PDE3A: variants seen among roughly 807,000 people sequenced by gnomAD.
The protein encoded by PDE3A is phosphodiesterase 3A.
PDE3A carries 43 observed loss-of-function variants against 98.3 expected under a neutral mutation model. The observed-to-expected ratio is 0.44, with a 90% CI of 0.34 to 0.56. PDE3A has a LOEUF of 0.56. Among genes scored for constraint, PDE3A ranks in the 20% least tolerant of loss-of-function variants. The probability of loss-of-function intolerance (pLI) is 0.01; values close to 1 mark genes in which losing one functional copy is unlikely to be tolerated. For missense variants in PDE3A, 1,427 were observed against 1,440.7 expected (o/e 0.99, Z 0.15); for synonymous variants, 663 against 567.9 (o/e 1.17, Z -2.38).
intron 1 of PDE3A, among the ~76,000 whole-genome samples, chr12:20,396,423 G>A (rs1180620043): frequency 2.0e-5 from 3 of 152,100 alleles, no homozygotes; most frequent in Non-Finnish European, 4.4e-5. Flanking sequence ...TAGAGGAAAA[G>A]TGCAGAAGAA....
chr12:20,543,947 A>G (rs1941988722), intron 1 of PDE3A, among the ~76,000 whole-genome samples: 2 of 151,878 alleles, frequency 1.3e-5, no homozygotes, highest in Admixed American at 1.3e-4. Context: ...AGGCACAAAG[A>G]CATTATATAA....
intron 15 of PDE3A, among the ~76,000 whole-genome samples, chr12:20,677,770 T>C (rs2120477232): frequency 6.6e-6 from 1 of 151,768 alleles, no homozygotes; most frequent in African/African-American, 2.4e-5. Flanking sequence ...TCAGGGAAAC[T>C]TTTTCTTGAA....
intron 8 of PDE3A, among the ~76,000 whole-genome samples, chr12:20,636,139 T>G (rs2121513131): frequency 6.6e-6 from 1 of 152,318 alleles, no homozygotes; most frequent in East Asian, 1.9e-4. Context: ...TTTGTTTTTC[T>G]TGTCATATTG....
chr12:20,441,091 G>A (rs753312474), intron 1 of PDE3A, among the ~76,000 whole-genome samples: 3 of 152,114 alleles, frequency 2.0e-5, no homozygotes, highest in Non-Finnish European at 2.9e-5. Context: ...AAGTACTGTT[G>A]GGAGTATAAT....
intron 1 of PDE3A, among the ~76,000 whole-genome samples, chr12:20,461,366 A>G (rs1198450774): frequency 6.6e-6 from 1 of 152,144 alleles, no homozygotes; most frequent in African/African-American, 2.4e-5. Context: ...AAGTAGTGAC[A>G]TAAAGTTTTA....
chr12:20,543,475 A>G (rs115170197), intron 1 of PDE3A, among the ~76,000 whole-genome samples: 3,858 of 152,068 alleles, frequency 0.025, 165 homozygotes, highest in African/African-American at 0.089. Context: ...GAGGAAGATT[A>G]AGCTATCCCA....
intron 1 of PDE3A, among the ~76,000 whole-genome samples, chr12:20,419,318 G>C (rs1031258302): frequency 2.6e-4 from 39 of 152,048 alleles, no homozygotes; most frequent in African/African-American, 9.2e-4. Context: ...TTTGAGGCAA[G>C]ATCTTGCTCT....
intron 1 of PDE3A, among the ~76,000 whole-genome samples, chr12:20,454,868 A>G (rs2120901310): frequency 6.6e-6 from 1 of 152,242 alleles, no homozygotes; most frequent in Admixed American, 6.5e-5. Context: ...TATCCAGTCT[A>G]CCATTGATGG....
chr12:20,421,662 C>T (rs2120757212), intron 1 of PDE3A, among the ~76,000 whole-genome samples: 1 of 151,424 alleles, frequency 6.6e-6, no homozygotes, highest in Non-Finnish European at 1.5e-5. Context: ...TGTTTCTAAC[C>T]TTTGCTATTA....
At chr12:20,627,757 G>GT (rs1944298779) in intron 5 of PDE3A, among the ~76,000 whole-genome samples, 1 of 152,122 alleles carries the variant, frequency 6.6e-6, no homozygotes, top group Non-Finnish European at 1.5e-5. Context: ...TTAGAGCAGG[G>GT]TTTTTATTTT....
At chr12:20,611,726 T>C (rs1943859480) in intron 2 of PDE3A, among the ~76,000 whole-genome samples, 1 of 151,892 alleles carries the variant, frequency 6.6e-6, no homozygotes, top group African/African-American at 2.4e-5. Context: ...GATATCTTTA[T>C]GGATGTTAGG....
chr12:20,405,906 C>A (rs930078078), intron 1 of PDE3A, among the ~76,000 whole-genome samples: 1 of 152,184 alleles, frequency 6.6e-6, no homozygotes, highest in Non-Finnish European at 1.5e-5. Flanking sequence ...CCTTCCAGCG[C>A]TTGACAATCA....
At chr12:20,530,489 C>CTTT (rs35355077) in intron 1 of PDE3A, among the ~76,000 whole-genome samples, 2 of 143,822 alleles carry the variant, frequency 1.4e-5, no homozygotes, top group Admixed American at 7.0e-5. Flanking sequence ...CTATACAATA[C>CTTT]TTTTTTTTTT....
intron 1 of PDE3A, among the ~76,000 whole-genome samples, chr12:20,513,057 C>T (rs1176961859): frequency 6.6e-6 from 1 of 151,980 alleles, no homozygotes; most frequent in Non-Finnish European, 1.5e-5. Flanking sequence ...TGTCAAAGGC[C>T]TGCTCCTCTT....
chr12:20,473,390 ATT>A (rs1296006864), intron 1 of PDE3A, among the ~76,000 whole-genome samples: 1 of 152,118 alleles, frequency 6.6e-6, no homozygotes, highest in Non-Finnish European at 1.5e-5. Context: ...AGGAATCTGT[ATT>A]TTCAACATGT....
At chr12:20,386,712 T>G (rs1437267915) in intron 1 of PDE3A, among the ~76,000 whole-genome samples, 1 of 152,008 alleles carries the variant, frequency 6.6e-6, no homozygotes, top group Non-Finnish European at 1.5e-5. Context: ...ATTGCAAAAA[T>G]TTTCTCCCAT....
At chr12:20,508,827 T>A (rs1034079544) in intron 1 of PDE3A, among the ~76,000 whole-genome samples, 1 of 150,102 alleles carries the variant, frequency 6.7e-6, no homozygotes, top group Non-Finnish European at 1.5e-5. Flanking sequence ...AAAAAAAATC[T>A]GGGTTTCTGG....
chr12:20,556,431 C>G (rs1028528409), intron 1 of PDE3A, among the ~76,000 whole-genome samples: 1 of 152,032 alleles, frequency 6.6e-6, no homozygotes, highest in Non-Finnish European at 1.5e-5. Flanking sequence ...ACAGTAGCTT[C>G]TTTTATCACA....
rs188852969 is a variant in PDE3A at position 20,686,941 on chromosome 12, T to C, written c.*6670T>C. Among the ~76,000 whole-genome samples the C allele has an allele frequency of 1.7e-4, 26 of 152,256 alleles. No individual in the cohort carries two copies. The highest frequency in any genetic ancestry group is 1.5e-3 in the Admixed American group (23 of 15,278). On this transcript the variant is annotated 3_prime_UTR_variant, in exon 16 of 16. Coordinates refer to ENST00000359062, the MANE Select transcript of PDE3A (RefSeq NM_000921.5). ...CAGTCTTTAATACAAACCAATTTAG[T>C]TACTCTGGAGTGAAATGACTTGTGG...
Sources: allele counts gnomAD v4.1 joint callset (sites outside exome capture counted in the v4.1 genomes callset), GRCh38; gene constraint gnomAD v4.1.1; transcripts MANE v1.5; gene names NCBI Gene and HGNC (gene_info 2026-07-23, HGNC 2026-07-21).